Variants in SAMD12 observed in about 807,000 individuals in gnomAD.
SAMD12 encodes sterile alpha motif domain containing 12, also known as sterile alpha motif domain-containing protein 12.
A neutral mutation model predicts 15.0 loss-of-function variants in SAMD12; 9 were observed. The observed-to-expected ratio is 0.60, with a 90% confidence interval of 0.36 to 1.05. The LOEUF is 1.05. SAMD12 is among the 50% of genes least tolerant of loss of function. SAMD12 has a pLI of 0.01. For synonymous variants in SAMD12, 86 were observed against 90.1 expected, an observed-to-expected ratio of 0.96 and a Z score of 0.25; for missense variants, 230 against 234.2, an observed-to-expected ratio of 0.98 and a Z score of 0.12.
intron 2 of SAMD12, among the ~76,000 whole-genome samples, chr8:118,486,898 A>T (rs934783904): frequency 6.6e-6 from 1 of 152,146 alleles, no homozygotes; most frequent in African/African-American, 2.4e-5. Context: ...CTCCGACAGG[A>T]CCCATGGCCA....
chr8:118,138,140 G>A, the SAMD12 span, among the ~76,000 whole-genome samples: 2,448 of 152,194 alleles, frequency 0.016, 68 homozygotes, highest in African/African-American at 0.056. Flanking sequence ...TAAGGAGGAG[G>A]CAGCATGGAA....
chr8:118,281,114 A>G (rs1813629866), intron 4 of SAMD12, among the ~76,000 whole-genome samples: 1 of 152,250 alleles, frequency 6.6e-6, no homozygotes, highest in Non-Finnish European at 1.5e-5. Context: ...TTTTAGAAAT[A>G]TGGAAACCGA....
Position 118,251,217 on chromosome 8 carries a change from G to C in SAMD12, c.434-53485C>G, listed in dbSNP as rs191444740. Among the ~76,000 whole-genome samples the C allele has an allele frequency of 5.4e-3, 826 of 152,206 alleles. 8 individuals are homozygous for C. The highest frequency in any genetic ancestry group is 0.017 in the African/African-American group (711 of 41,542). ...GGAAGTGATCTATGATTATTACTAA[G>C]AACCCTTGAGTTTGGTCTTAGAATT... is the stretch of plus-strand genomic sequence containing the variant. On this transcript the variant is annotated intron_variant, in intron 4 of 4. Coordinates refer to the SAMD12 transcript ENST00000409003.
At chr8:118,380,456 C>T (rs940872354) in intron 3 of SAMD12, among the ~76,000 whole-genome samples, 2 of 152,180 alleles carry the variant, frequency 1.3e-5, no homozygotes, top group East Asian at 3.8e-4. Context: ...GCTGGCATGG[C>T]CTCTCTTCAA....
At chr8:118,535,175 C>G (rs1825803153) in intron 2 of SAMD12, among the ~76,000 whole-genome samples, 1 of 152,100 alleles carries the variant, frequency 6.6e-6, no homozygotes, top group Admixed American at 6.5e-5. Context: ...CAGTCAGGAC[C>G]CTCAGCCGCA....
In SAMD12 at chr8:118,219,133, T is replaced by C. The variant is rs565821035; in HGVS notation, c.434-21401A>G. ...AGCTCACCTCACCTCACTCTTTTTTTACGTTTGCCTGAACCTTGTAGGCAT... is the reference window on the plus strand; with the variant it reads ...AGCTCACCTCACCTCACTCTTTTTTCACGTTTGCCTGAACCTTGTAGGCAT... On this transcript the variant is annotated intron_variant, in intron 4 of 4. Coordinates refer to the SAMD12 transcript ENST00000409003. 5.9e-5 allele frequency among the ~76,000 whole-genome samples: 9 copies of C among 152,346 alleles called. No individual in the cohort carries two copies. In the South Asian group the frequency reaches 1.9e-3, roughly 32 times the overall value.
At chr8:118,159,392 T>C in the SAMD12 span, among the ~76,000 whole-genome samples, 38 of 152,316 alleles carry the variant, frequency 2.5e-4, 1 homozygote, top group African/African-American at 8.7e-4. Context: ...CCGGACCCCA[T>C]GCTCACTCTC....
chr8:118,377,960 A>C (rs935659960), downstream of SAMD12: 2 of 152,236 alleles, frequency 1.3e-5, no homozygotes, highest in African/African-American at 2.4e-5. Flanking sequence ...AAAATACAGA[A>C]AAATAAGAAT....
chr8:118,379,595 C>T lies in SAMD12; in HGVS notation c.428G>A (p.Arg143Gln), dbSNP rs759090265. ...TAACTGTAGATTTCTGACTTCTTCT[C>T]GCACCTTCAGCTGGAGCACCTGTTG... is the stretch of plus-strand genomic sequence containing the variant. ...ILQQVLQLKV[R>Q]EEVRNLQLLT... is the part of the protein sequence containing the mutation. The change falls in exon 4 of 4, where the codon CGA becomes CAA. Residue 143 changes from arginine (R) to glutamine (Q), a missense_variant. Coordinates refer to ENST00000314727, the MANE Select transcript of SAMD12 (RefSeq NM_207506.3). 9 of 1,613,844 alleles carry T rather than the reference C, an allele frequency of 5.6e-6. No individual in the cohort carries two copies. The highest frequency in any genetic ancestry group is 5.3e-5 in the African/African-American group (4 of 74,904).
the SAMD12 span, among the ~76,000 whole-genome samples, chr8:118,152,539 C>T: frequency 1.4e-5 from 2 of 147,320 alleles, no homozygotes; most frequent in African/African-American, 5.1e-5. Context: ...TGTTCTTGTG[C>T]CCAGGTTAGA....
At chr8:118,465,014 A>G (rs1467880853) in intron 2 of SAMD12, among the ~76,000 whole-genome samples, 6 of 152,214 alleles carry the variant, frequency 3.9e-5, no homozygotes, top group African/African-American at 1.4e-4. Context: ...TGCCTGGTCC[A>G]GAGGAGGTTC....
intron 3 of SAMD12, among the ~76,000 whole-genome samples, chr8:118,388,520 G>T (rs1258030159): frequency 6.6e-6 from 1 of 151,928 alleles, no homozygotes; most frequent in Non-Finnish European, 1.5e-5. Context: ...TAATTTTCTT[G>T]CTTATTATGT....
chr8:118,554,948 G>A (rs1037460624), intron 2 of SAMD12, among the ~76,000 whole-genome samples: 1 of 152,006 alleles, frequency 6.6e-6, no homozygotes, highest in East Asian at 1.9e-4. Context: ...ATTTAGATTT[G>A]GATTTCTAAC....
intron 2 of SAMD12, among the ~76,000 whole-genome samples, chr8:118,491,480 T>TTTTTAGGTAAAATTTTTATTTTTA (rs1824438826): frequency 6.6e-6 from 1 of 152,194 alleles, no homozygotes; most frequent in Admixed American, 6.5e-5. Context: ...AGTATTTTTA[T>TTTTTAGGTAAAATTTTTATTTTTA]TTTTAGGTAA....
chr8:118,377,868 C>T (rs1229659848), downstream of SAMD12: 1 of 152,088 alleles, frequency 6.6e-6, no homozygotes, highest in East Asian at 1.9e-4. Context: ...AGCTGGGCAG[C>T]TATGCTTGTG....
intron 2 of SAMD12, among the ~76,000 whole-genome samples, chr8:118,569,345 C>G (rs1438531497): frequency 1.3e-5 from 2 of 152,084 alleles, no homozygotes; most frequent in African/African-American, 4.8e-5. Flanking sequence ...GAATTTCATG[C>G]TTAGACTTGG....
chr8:118,365,906 T>C (rs1818742211), intron 4 of SAMD12, among the ~76,000 whole-genome samples: 1 of 152,134 alleles, frequency 6.6e-6, no homozygotes, highest in Non-Finnish European at 1.5e-5. Context: ...GAGAAGTCCC[T>C]CTGCTTACTT....
chr8:118,399,425 T>C (rs1378212651), intron 3 of SAMD12, among the ~76,000 whole-genome samples: 1 of 152,146 alleles, frequency 6.6e-6, no homozygotes, highest in East Asian at 1.9e-4. Context: ...ACAGTCCTTC[T>C]GGGAATTTCC....
At chr8:118,346,804 T>C (rs1817684419) in intron 4 of SAMD12, among the ~76,000 whole-genome samples, 2 of 152,324 alleles carry the variant, frequency 1.3e-5, no homozygotes, top group African/African-American at 4.8e-5. Context: ...GTCCTTCCTT[T>C]AGTAGAGTCA....
Sources: gnomAD v4.1 joint callset for allele counts (sites outside exome capture counted in the v4.1 genomes callset) on GRCh38, gnomAD v4.1.1 for gene constraint, MANE v1.5 for transcripts, NCBI Gene and HGNC (gene_info 2026-07-23, HGNC 2026-07-21) for gene names.